NFIC: variants seen among roughly 807,000 people sequenced by gnomAD.
NFIC encodes the protein nuclear factor 1 C-type.
Under a neutral mutation model 54.4 loss-of-function variants are expected in NFIC, and 12 were observed. The ratio of observed to expected loss-of-function variants is 0.22; its 90% CI spans 0.14 to 0.36. The LOEUF (loss-of-function observed/expected upper bound fraction) is 0.36. Among genes scored for constraint, NFIC ranks in the 10% least tolerant of loss-of-function variants. NFIC has a pLI of 1.00. For synonymous variants in NFIC, 322 were observed against 319.2 expected, an observed-to-expected ratio of 1.01 and a Z score of -0.09; for missense variants, 575 against 718.2, an observed-to-expected ratio of 0.80 and a Z score of 2.28.
chr19:3,370,113 G>C lies in NFIC; in HGVS notation c.30+3447G>C, dbSNP rs3764591. Among the ~76,000 whole-genome samples the C allele has an allele frequency of 6.6e-6, 1 of 152,154 alleles. No individual in the cohort carries two copies. Among genetic ancestry groups the C allele is most frequent in the Admixed American group, 6.5e-5 (1 of 15,286 alleles). ...TAGGTTCTTAGAGGGAGCTTGGGGG[G>C]TGCCTACCAGGAGCAGGGGGCCTGC... On this transcript the variant is annotated intron_variant, in intron 1 of 10. Transcript: ENST00000443272. The surrounding 1 kb of genome is among the most constrained non-coding windows in gnomAD (Gnocchi z 5.2).
upstream of NFIC, among the ~76,000 whole-genome samples, chr19:3,365,411 G>A (rs988168881): frequency 2.6e-5 from 4 of 152,224 alleles, no homozygotes; most frequent in Non-Finnish European, 5.9e-5. Flanking sequence ...TTATAGGGGA[G>A]AACCCTTGGG....
chr19:3,433,935 G>A (rs1568179502), intron 4 of NFIC, among the ~76,000 whole-genome samples: 1 of 152,094 alleles, frequency 6.6e-6, no homozygotes, highest in Non-Finnish European at 1.5e-5. Flanking sequence ...GACCTGCTGG[G>A]GACCCAGCAC....
chr19:3,418,451 C>T (rs1439979363), intron 2 of NFIC, among the ~76,000 whole-genome samples: 1 of 152,126 alleles, frequency 6.6e-6, no homozygotes, highest in Non-Finnish European at 1.5e-5. Flanking sequence ...GTGGCTGTGA[C>T]CCTTGTACTG....
Position 3,449,117 on chromosome 19 carries a change from G to A in NFIC, c.1062G>A (p.Arg354=), listed in dbSNP as rs199780384. 49 of 1,613,518 alleles carry A rather than the reference G, an allele frequency of 3.0e-5. No individual in the cohort carries two copies. In the East Asian group the frequency reaches 1.1e-3, roughly 35 times the overall value. ...TCTCCAGCTTCACCCAGCACCACCGGCCCGTCATCGCCGTGCACAGCGGTA... is the reference window on the plus strand; with the variant it reads ...TCTCCAGCTTCACCCAGCACCACCGACCCGTCATCGCCGTGCACAGCGGTA... ...PRLSSFTQHH[R]PVIAVHSGIA... The change falls in exon 7 of 11, where the codon CGG becomes CGA. Residue 354 remains arginine (R), a synonymous_variant. Coordinates refer to ENST00000443272, the MANE Select transcript of NFIC (RefSeq NM_001245002.2).
chr19:3,366,759 G>C lies in NFIC; in HGVS notation c.30+93G>C, dbSNP rs573632323. On this transcript the variant is annotated intron_variant, in intron 1 of 10. Transcript: ENST00000443272. ...AGCAGGAGGAGGCGGGACGAAAAAG[G>C]CGCGCGTCCCTCCCGCCATCCCTGC... 1.9e-4 allele frequency: 179 copies of C among 927,722 alleles called. No individual in the cohort carries two copies. The South Asian group carries it at 3.8e-3, about 20-fold the overall frequency. 57.5% of individuals were successfully genotyped at this position (927,722 alleles called of 1,614,324 possible). A position where few individuals can be genotyped will look rare whatever the true frequency, so the allele number is the denominator to read the frequency against.
At chr19:3,405,287 T>A (rs1024543984) in intron 2 of NFIC, among the ~76,000 whole-genome samples, 18 of 152,120 alleles carry the variant, frequency 1.2e-4, no homozygotes, top group African/African-American at 4.1e-4. Flanking sequence ...CCCCCCCAGG[T>A]CACATCCAGA....
rs911579119 is a variant in NFIC, at chr19:3,464,890, G to A, written c.*2121G>A. 13 of 187,368 alleles carry A rather than the reference G, an allele frequency of 6.9e-5. No individual in the cohort carries two copies. The Admixed American group carries it at 7.2e-4, about 10-fold the overall frequency. 11.6% of individuals were successfully genotyped at this position (187,368 alleles called of 1,614,324 possible). ...CGGGAGGGCGGGCGGGGGAGGGGGT[G>A]GTCGGGTTGTGCCATTGGGGTGTCC... On this transcript the variant is annotated 3_prime_UTR_variant, in exon 11 of 11. Coordinates refer to ENST00000443272, the MANE Select transcript of NFIC (RefSeq NM_001245002.2).
chr19:3,371,175 C>T (rs890822245), intron 1 of NFIC, among the ~76,000 whole-genome samples: 2 of 152,092 alleles, frequency 1.3e-5, no homozygotes, highest in Non-Finnish European at 2.9e-5. Context: ...TGTTGCTGTG[C>T]TTGTGATTGT....
At chr19:3,447,903 CTTGT>C (rs1446820862) in intron 6 of NFIC, among the ~76,000 whole-genome samples, 1 of 152,284 alleles carries the variant, frequency 6.6e-6, no homozygotes, top group South Asian at 2.1e-4. Flanking sequence ...TGTTTACTTG[CTTGT>C]TTGTTTTTGA....
At position 3,452,547 on chromosome 19, in the gene NFIC, A is replaced by G; in HGVS notation, c.1150A>G (p.Thr384Ala). The change falls in exon 8 of 11, where the codon ACG becomes GCG. Residue 384 changes from threonine (T) to alanine (A), a missense_variant. Thr to Ala is a moderately conservative substitution (Grantham distance 58). This residue lies in a region of NFIC where 447 missense variants were observed against 526.9 expected (regional missense o/e 0.85). Transcript: ENST00000443272. This position sits in a 1 kb window ranked among gnomAD's most constrained non-coding sequence, Gnocchi z 5.3. The part of the protein sequence containing the change: ...HFPTTSILPQ[T>A]ASTYFPHTAI... ...CCCTACGACGTCCATCCTACCCCAG[A>G]CGGCCTCCACCTACTTCCCCCACAC... 1 of 1,613,288 alleles carries G rather than the reference A, an allele frequency of 6.2e-7. No homozygotes were observed. Among genetic ancestry groups the G allele is most frequent in the East Asian group, 2.2e-5 (1 of 44,848 alleles).
At chr19:3,368,007 C>T (rs1396297913) in intron 1 of NFIC, among the ~76,000 whole-genome samples, 2 of 152,172 alleles carry the variant, frequency 1.3e-5, no homozygotes, top group East Asian at 3.9e-4. Flanking sequence ...ACCTGTGATC[C>T]CCTGAGTGAC....
Position 3,370,767 on chromosome 19 carries a change from C to T in NFIC, c.30+4101C>T, listed in dbSNP as rs2080993362. On this transcript the variant is annotated intron_variant, in intron 1 of 10. Coordinates refer to ENST00000443272, the MANE Select transcript of NFIC (RefSeq NM_001245002.2). This position sits in a 1 kb window ranked among gnomAD's most constrained non-coding sequence, Gnocchi z 5.2. ...CTTTCTCTCTCTCTGTCTCTCTGAG[C>T]TGGCCTCCCTCCCTGTCTCACACCA... Among the ~76,000 whole-genome samples, 1 of 151,878 alleles carries T rather than the reference C, an allele frequency of 6.6e-6. No individual in the cohort carries two copies. The highest frequency in any genetic ancestry group is 2.4e-5 in the African/African-American group (1 of 41,340).
At chr19:3,417,472 G>T (rs1234235706) in intron 2 of NFIC, among the ~76,000 whole-genome samples, 1 of 152,068 alleles carries the variant, frequency 6.6e-6, no homozygotes, top group Non-Finnish European at 1.5e-5. Context: ...GCCCACTGGG[G>T]TCTGGGGAAT....
chr19:3,413,760 C>T (rs773365712), intron 2 of NFIC, among the ~76,000 whole-genome samples: 8 of 152,148 alleles, frequency 5.3e-5, no homozygotes, highest in African/African-American at 1.2e-4. Flanking sequence ...TCTCAGCCTC[C>T]GGAGCAGCTG....
At chr19:3,360,748 G>T (rs960366369) in intron 1 of NFIC, among the ~76,000 whole-genome samples, 7 of 152,246 alleles carry the variant, frequency 4.6e-5, no homozygotes, top group African/African-American at 1.4e-4. Flanking sequence ...CGTCCCTGCG[G>T]GACGGTGTTG....
chr19:3,442,001 C>T (rs1315880489), intron 6 of NFIC, among the ~76,000 whole-genome samples: 1 of 152,212 alleles, frequency 6.6e-6, no homozygotes, highest in Non-Finnish European at 1.5e-5. Flanking sequence ...GGACTCGGGG[C>T]CTTTTCTCCC....
Position 3,425,177 on chromosome 19 carries a change from G to A in NFIC, c.634G>A (p.Asp212Asn), listed in dbSNP as rs1206848403. The change falls in exon 3 of 11, where the codon GAC becomes AAC. Residue 212 changes from aspartate to asparagine, a missense_variant and splice_region_variant. Physicochemically the swap from Asp to Asn is conservative, Grantham distance 23. Around this residue, in one of 3 missense-constraint regions of NFIC, gnomAD observed 447 missense variants for 526.9 expected, o/e 0.85. Coordinates refer to ENST00000443272, the MANE Select transcript of NFIC (RefSeq NM_001245002.2). ...GGAGGACAGCAAGCCCATCACGCTG[G>A]GTGAGTCTGGGGGCAGCGTGGCGGT... Reference protein sequence around the residue: ...DQEDSKPITLDTTDFQESFVT... With the variant: ...DQEDSKPITLNTTDFQESFVT... 8 of 1,610,228 alleles carry A rather than the reference G, an allele frequency of 5.0e-6. No individual in the cohort carries two copies. Among genetic ancestry groups the A allele is most frequent in the Non-Finnish European group, 6.8e-6 (8 of 1,179,308 alleles).
chr19:3,467,789 A>ATATATATATATATAT lies in NFIC; in HGVS notation c.*5020_*5021insTATATATATATATAT, dbSNP rs1176215106. 2.5e-3 allele frequency: 317 copies of ATATATATATATATAT among 129,016 alleles called. No homozygotes were observed. The highest frequency in any genetic ancestry group is 3.5e-3 in the East Asian group (14 of 3,956). 8.0% of individuals were successfully genotyped at this position (129,016 alleles called of 1,614,324 possible). Reference sequence around the variant, plus strand: ...TATATATATATATATATATATATATAATTTTGGAATTTGTTTCTCATAATA... The same window carrying ATATATATATATATAT: ...TATATATATATATATATATATATATATATATATATATATATATTTTGGAATTTGTTTCTCATAATA... On this transcript the variant is annotated 3_prime_UTR_variant, in exon 11 of 11. Transcript: ENST00000443272.
chr19:3,432,318 T>G (rs2082132534), intron 3 of NFIC, among the ~76,000 whole-genome samples: 1 of 152,124 alleles, frequency 6.6e-6, no homozygotes, highest in Non-Finnish European at 1.5e-5. Flanking sequence ...GGCCTCCCAT[T>G]CAACCCCCCA....
Sources: gnomAD v4.1 joint callset for allele counts (sites outside exome capture counted in the v4.1 genomes callset) on GRCh38, gnomAD v4.1.1 for gene constraint, gnomAD v4.1.1 regional missense constraint, Gnocchi (gnomAD v3.1) non-coding constraint, MANE v1.5 for transcripts, NCBI Gene and HGNC (gene_info 2026-07-23, HGNC 2026-07-21) for gene names.